NECTIN3: variants seen among roughly 807,000 people sequenced by gnomAD.
NECTIN3 encodes nectin-3.
NECTIN3 carries 8 observed loss-of-function variants against 49.4 expected under a neutral mutation model. The ratio of observed to expected loss-of-function variants is 0.16; its 90% CI spans 0.10 to 0.29. The LOEUF (loss-of-function observed/expected upper bound fraction) is 0.29. Ranked by LOEUF, NECTIN3 falls within the 10% of genes least tolerant of loss-of-function variation. The pLI is 1.00. For synonymous variants in NECTIN3, 277 were observed against 241.1 expected (o/e 1.15, Z -1.38); for missense variants, 581 against 654.6 (o/e 0.89, Z 1.23).
At chr3:111,115,715 A>G (rs1364577051) in intron 2 of NECTIN3, among the ~76,000 whole-genome samples, 1 of 152,230 alleles carries the variant, frequency 6.6e-6, no homozygotes, top group Non-Finnish European at 1.5e-5. Flanking sequence ...AATTGAAATG[A>G]AGAGGTCCTT....
intron 2 of NECTIN3, among the ~76,000 whole-genome samples, chr3:111,113,477 A>G (rs890980718): frequency 6.6e-6 from 1 of 152,208 alleles, no homozygotes; most frequent in Non-Finnish European, 1.5e-5. Context: ...TCTCTGAAGT[A>G]TAGGACAGCA....
At chr3:111,144,053 A>G (rs543320635) in intron 5 of NECTIN3, among the ~76,000 whole-genome samples, 7 of 152,208 alleles carry the variant, frequency 4.6e-5, no homozygotes, top group Admixed American at 1.3e-4. Context: ...GTTTTGTTAC[A>G]TTCCTTAATA....
intron 4 of NECTIN3, 46 bp downstream of exon 4, chr3:111,122,284 T>G (rs761236736): frequency 7.3e-7 from 1 of 1,378,928 alleles, no homozygotes. Context: ...AAGTGAAACC[T>G]TCTTAAATCC....
chr3:111,072,777 C>T (rs1248354190), intron 1 of NECTIN3: 2 of 536,200 alleles, frequency 3.7e-6, no homozygotes, highest in Non-Finnish European at 6.5e-6. Flanking sequence ...TCCCTGCCCT[C>T]CAGCTTGTGG....
chr3:111,187,727 G>C (rs555069998), upstream of NECTIN3, among the ~76,000 whole-genome samples: 1 of 152,296 alleles, frequency 6.6e-6, no homozygotes, highest in South Asian at 2.1e-4. Context: ...TCCACTATAT[G>C]ATACTGTGGA....
chr3:111,170,511 G>T (rs1236233791), intron 7 of NECTIN3, among the ~76,000 whole-genome samples: 1 of 152,162 alleles, frequency 6.6e-6, no homozygotes, highest in African/African-American at 2.4e-5. Context: ...CAGGACCATA[G>T]AAATAGGTAT....
intron 1 of NECTIN3, among the ~76,000 whole-genome samples, chr3:111,109,279 G>A (rs2033353186): frequency 6.6e-6 from 1 of 152,014 alleles, no homozygotes; most frequent in South Asian, 2.1e-4. Flanking sequence ...TTTTAGGGAG[G>A]ACACAAACAT....
chr3:111,096,162 C>T (rs371886931), intron 1 of NECTIN3, among the ~76,000 whole-genome samples: 10 of 152,060 alleles, frequency 6.6e-5, no homozygotes, highest in African/African-American at 1.2e-4. Context: ...TCTCAGATGG[C>T]GATGAGGAAC....
intron 1 of NECTIN3, among the ~76,000 whole-genome samples, chr3:111,085,405 C>T (rs1295247700): frequency 1.3e-5 from 2 of 152,088 alleles, no homozygotes; most frequent in Non-Finnish European, 2.9e-5. Context: ...GAGAGAGACT[C>T]ATGAAATATT....
chr3:111,093,608 G>T (rs1005460946), intron 1 of NECTIN3, among the ~76,000 whole-genome samples: 3 of 151,782 alleles, frequency 2.0e-5, no homozygotes, highest in Non-Finnish European at 4.4e-5. Flanking sequence ...ATAATTTTTT[G>T]TATTTTTAGT....
At chr3:111,160,866 G>T (rs1038269331) in intron 7 of NECTIN3, among the ~76,000 whole-genome samples, 2 of 152,162 alleles carry the variant, frequency 1.3e-5, no homozygotes, top group African/African-American at 4.8e-5. Context: ...ACTTAGCCGG[G>T]TGTGTTGGTG....
At chr3:111,144,936 T>C in exon 6 of NECTIN3, 1 of 1,536,344 alleles carries the variant, frequency 6.5e-7, no homozygotes, top group Non-Finnish European at 8.7e-7. Context: ...TAGCTGTAGC[T>C]GGAGCGGTAA....
intron 5 of NECTIN3, among the ~76,000 whole-genome samples, chr3:111,130,688 T>C (rs1287195184): frequency 6.6e-6 from 1 of 152,118 alleles, no homozygotes; most frequent in Non-Finnish European, 1.5e-5. Context: ...TTTTCCCACA[T>C]TGATAAATGT....
intron 6 of NECTIN3, chr3:111,147,339 T>G: frequency 8.0e-7 from 1 of 1,253,130 alleles, no homozygotes; most frequent in Non-Finnish European, 1.1e-6. Flanking sequence ...GAACCTTGAT[T>G]TTCTTTTGCT....
In NECTIN3 at chr3:111,136,656, A is replaced by G. The variant is rs1401801806; in HGVS notation, c.*2441A>G. ...ATTCATAACTACTTGACAGGTATAT[A>G]TGAAAATTCTACTATCGTGAAAAAA... On this transcript the variant is annotated 3_prime_UTR_variant, in exon 6 of 6. Coordinates refer to ENST00000485303, the MANE Select transcript of NECTIN3 (RefSeq NM_015480.3). The G allele has an allele frequency of 2.2e-6, 2 of 908,394 alleles. No homozygotes were observed. Among genetic ancestry groups the G allele is most frequent in the South Asian group, 5.1e-5 (1 of 19,618 alleles). The allele number at this position is 908,394 out of a possible 1,614,324, so 56.3% of individuals were successfully genotyped here.
chr3:111,164,916 C>T (rs562832163), intron 7 of NECTIN3, among the ~76,000 whole-genome samples: 20 of 152,290 alleles, frequency 1.3e-4, no homozygotes, highest in South Asian at 4.1e-4. Context: ...CTAGACTTAA[C>T]GCCAAAGGCA....
chr3:111,186,936 A>G (rs977177096), intron 7 of NECTIN3, among the ~76,000 whole-genome samples: 6 of 152,328 alleles, frequency 3.9e-5, no homozygotes, highest in African/African-American at 1.4e-4. Flanking sequence ...TATTCAGTAC[A>G]TATATATTAG....
Position 111,111,130 on chromosome 3 carries a change from G to A in NECTIN3, c.161-900G>A, listed in dbSNP as rs551660722. ...TTTTGTTAGAGAACATATGTGAGTT[G>A]TAGACCTCCAAGGACTTGTTATACA... On this transcript the variant is annotated intron_variant, in intron 1 of 5. Coordinates refer to ENST00000485303, the MANE Select transcript of NECTIN3 (RefSeq NM_015480.3). Among the ~76,000 whole-genome samples the A allele has an allele frequency of 3.9e-5, 6 of 152,208 alleles. No homozygotes were observed. The East Asian group carries it at 1.2e-3, about 29-fold the overall frequency.
At chr3:111,124,963 G>A (rs1432427175) in intron 4 of NECTIN3, among the ~76,000 whole-genome samples, 3 of 150,464 alleles carry the variant, frequency 2.0e-5, no homozygotes, top group Admixed American at 6.6e-5. Context: ...AATCTACTTA[G>A]CCTAAACTGT....
Sources: gnomAD v4.1 joint callset for allele counts (sites outside exome capture counted in the v4.1 genomes callset) on GRCh38, gnomAD v4.1.1 for gene constraint, MANE v1.5 for transcripts, NCBI Gene and HGNC (gene_info 2026-07-23, HGNC 2026-07-21) for gene names.